The following TSHZ3 variants were observed in gnomAD, a reference collection of about 807,000 sequenced individuals.
The protein encoded by TSHZ3 is teashirt zinc finger homeobox 3.
TSHZ3 carries 10 observed loss-of-function variants against 64.5 expected under a neutral mutation model. The observed-to-expected ratio is 0.16, with a 90% CI of 0.10 to 0.26. TSHZ3 has a LOEUF of 0.26. TSHZ3 is among the 10% of genes least tolerant of loss of function. The pLI is 1.00. For missense variants in TSHZ3, 1,242 were observed against 1,421.7 expected (o/e 0.87, Z 2.03); for synonymous variants, 608 against 593.1 (o/e 1.03, Z -0.36).
intron 1 of TSHZ3, among the ~76,000 whole-genome samples, chr19:31,291,763 C>T (rs913578230): frequency 2.0e-5 from 3 of 152,182 alleles, no homozygotes; most frequent in African/African-American, 7.2e-5. Flanking sequence ...TGTCTGCTGT[C>T]ATGGGGAGTC....
chr19:31,265,328 C>T (rs1010162725), intron 1 of TSHZ3, among the ~76,000 whole-genome samples: 33 of 124,684 alleles, frequency 2.6e-4, no homozygotes, highest in African/African-American at 9.4e-4. Flanking sequence ...ACCTGGGAGG[C>T]GGAGGTTGCA....
intron 1 of TSHZ3, among the ~76,000 whole-genome samples, chr19:31,294,128 A>G (rs1406087052): frequency 6.6e-6 from 1 of 152,124 alleles, no homozygotes; most frequent in East Asian, 1.9e-4. Context: ...GTGACCTCAG[A>G]AAAGTTTAGC....
In TSHZ3 at chr19:31,227,687, T is replaced by C. The variant is rs567612635; in HGVS notation, n.686+318A>G. Among the ~76,000 whole-genome samples, 86 of 152,200 alleles carry C rather than the reference T, an allele frequency of 5.7e-4. 1 individual carries two copies. Among genetic ancestry groups the C allele is most frequent in the African/African-American group, 2.0e-3 (84 of 41,516 alleles). Reference sequence around the variant, plus strand: ...ATTGCGTACCCCAAAACTCTTCTTTTTCACTCAGTAAAGTTGGAGGTAGGT... The same window carrying C: ...ATTGCGTACCCCAAAACTCTTCTTTCTCACTCAGTAAAGTTGGAGGTAGGT... On this transcript the variant is annotated intron_variant and non_coding_transcript_variant, in intron 4 of 6. Transcript: ENST00000651361.
At chr19:31,224,000 G>A (rs185520882) in intron 4 of TSHZ3, among the ~76,000 whole-genome samples, 24 of 152,306 alleles carry the variant, frequency 1.6e-4, no homozygotes, top group African/African-American at 5.5e-4. Context: ...CGGCAACCAG[G>A]CCTTTGGACA....
intron 1 of TSHZ3, among the ~76,000 whole-genome samples, chr19:31,312,970 C>T (rs1268228677): frequency 6.6e-6 from 1 of 152,082 alleles, no homozygotes; most frequent in Non-Finnish European, 1.5e-5. Flanking sequence ...TCTGGGTCTT[C>T]ATTTATAGGA....
intron 1 of TSHZ3, among the ~76,000 whole-genome samples, chr19:31,346,561 GA>G (rs1178864503): frequency 1.3e-5 from 2 of 151,944 alleles, no homozygotes; most frequent in African/African-American, 2.4e-5. Context: ...GTTTGGAGGG[GA>G]AAAAAATTCT....
intron 1 of TSHZ3, among the ~76,000 whole-genome samples, chr19:31,304,510 A>T (rs1976806967): frequency 8.1e-6 from 1 of 123,448 alleles, no homozygotes; most frequent in Non-Finnish European, 1.8e-5. Context: ...CAACAACAAC[A>T]ACAAAAAATT....
rs527702304 is a variant in TSHZ3 at position 31,301,431 on chromosome 19, C to T, written c.41-21679G>A. 3.3e-5 allele frequency among the ~76,000 whole-genome samples: 5 copies of T among 152,338 alleles called. No homozygotes were observed. The South Asian group carries it at 1.0e-3, about 32-fold the overall frequency. On this transcript the variant is annotated intron_variant, in intron 1 of 1. Coordinates refer to ENST00000240587, the MANE Select transcript of TSHZ3 (RefSeq NM_020856.4). The stretch of plus-strand genomic sequence containing the variant: ...ATTATTGAAATTAAAACTTAGATGA[C>T]ATCTGCTGGGGCTGTGCACTCAAAC...
At chr19:31,162,994 A>G (rs1974390129) in intron 5 of TSHZ3, among the ~76,000 whole-genome samples, 1 of 152,210 alleles carries the variant, frequency 6.6e-6, no homozygotes, top group Non-Finnish European at 1.5e-5. Flanking sequence ...CTCATTATCT[A>G]GAGAAGGAAA....
chr19:31,219,206 G>A (rs1599589570), intron 4 of TSHZ3, among the ~76,000 whole-genome samples: 1 of 152,318 alleles, frequency 6.6e-6, no homozygotes, highest in Admixed American at 6.5e-5. Flanking sequence ...TCTCAGACAA[G>A]ACACTTCTCC....
chr19:31,178,603 C>T (rs1057393765), intron 5 of TSHZ3, among the ~76,000 whole-genome samples: 7 of 152,164 alleles, frequency 4.6e-5, no homozygotes, highest in African/African-American at 1.2e-4. Flanking sequence ...CACTTGAAAC[C>T]GGGAGGCGGA....
chr19:31,276,476 G>T lies in TSHZ3; in HGVS notation c.*71C>A. The T allele has an allele frequency of 7.2e-7, 1 of 1,391,698 alleles. No homozygotes were observed. The allele number at this position is 1,391,698 out of a possible 1,614,324, so 86.2% of individuals were successfully genotyped here. A position where few individuals can be genotyped will look rare whatever the true frequency, so the allele number is the denominator to read the frequency against. ...AACATGTGCCAAGAACAACAAGTCA[G>T]AGGGGGCCTGAAGGTGCCTTCCACA... On this transcript the variant is annotated 3_prime_UTR_variant, in exon 2 of 2. Coordinates refer to ENST00000240587, the MANE Select transcript of TSHZ3 (RefSeq NM_020856.4).
At chr19:31,238,505 C>G (rs922051277) in intron 3 of TSHZ3, among the ~76,000 whole-genome samples, 1 of 152,168 alleles carries the variant, frequency 6.6e-6, no homozygotes, top group African/African-American at 2.4e-5. Flanking sequence ...ATCTGCCTAC[C>G]TTGGCCTCCC....
chr19:31,207,217 G>T (rs1975192401), intron 4 of TSHZ3, among the ~76,000 whole-genome samples: 1 of 152,124 alleles, frequency 6.6e-6, no homozygotes, highest in Admixed American at 6.5e-5. Flanking sequence ...GTCTATTCCT[G>T]CACCATTTAA....
intron 1 of TSHZ3, among the ~76,000 whole-genome samples, chr19:31,253,221 A>G (rs573155461): frequency 6.6e-6 from 1 of 152,330 alleles, no homozygotes; most frequent in African/African-American, 2.4e-5. Flanking sequence ...GGGGCTTTAA[A>G]TATCACTGAT....
intron 1 of TSHZ3, among the ~76,000 whole-genome samples, chr19:31,253,223 A>G (rs936958444): frequency 6.6e-6 from 1 of 152,212 alleles, no homozygotes; most frequent in Non-Finnish European, 1.5e-5. Flanking sequence ...GGCTTTAAAT[A>G]TCACTGATGA....
chr19:31,312,182 C>T (rs2145155585), intron 1 of TSHZ3, among the ~76,000 whole-genome samples: 1 of 152,316 alleles, frequency 6.6e-6, no homozygotes, highest in African/African-American at 2.4e-5. Flanking sequence ...CTGTGCTGTG[C>T]ACACCACTGC....
At chr19:31,199,307 C>T (rs199989809) in intron 5 of TSHZ3, among the ~76,000 whole-genome samples, 3 of 148,394 alleles carry the variant, frequency 2.0e-5, no homozygotes, top group South Asian at 2.1e-4. Flanking sequence ...AGGAGGCTGA[C>T]GCAGGAGAAT....
chr19:31,253,021 C>T (rs1346506958), intron 1 of TSHZ3, among the ~76,000 whole-genome samples: 2 of 152,178 alleles, frequency 1.3e-5, no homozygotes, highest in Admixed American at 6.5e-5. Flanking sequence ...TTTTAATTTT[C>T]TCTGCACATA....
Sources: allele counts gnomAD v4.1 joint callset (sites outside exome capture counted in the v4.1 genomes callset), GRCh38; gene constraint gnomAD v4.1.1; transcripts MANE v1.5; gene names NCBI Gene and HGNC (gene_info 2026-07-23, HGNC 2026-07-21).